SPINDOC: variants seen among roughly 807,000 people sequenced by gnomAD.
SPINDOC encodes spindlin interactor and repressor of chromatin-binding protein.
SPINDOC carries 13 observed loss-of-function variants against 30.7 expected under a neutral mutation model. The ratio of observed to expected loss-of-function variants is 0.42; its 90% confidence interval spans 0.28 to 0.67. The LOEUF (loss-of-function observed/expected upper bound fraction) is 0.67. Among genes scored for constraint, SPINDOC ranks in the 30% least tolerant of loss-of-function variants. The pLI is 0.22. For synonymous variants in SPINDOC, 228 were observed against 211.4 expected, an observed-to-expected ratio of 1.08 and a Z score of -0.68; for missense variants, 438 against 518.0, an observed-to-expected ratio of 0.85 and a Z score of 1.50.
chr11:63,827,252 G>A lies in SPINDOC; in HGVS notation c.*113G>A. ...TGGAGAGAGTAGAAACAGGTGCCAG[G>A]GCAGGAGGGGGCTGGGGCAGCATCC... On this transcript the variant is annotated 3_prime_UTR_variant, in exon 6 of 6. Coordinates refer to ENST00000294244, the MANE Select transcript of SPINDOC (RefSeq NM_138471.3). 7.4e-6 allele frequency: 11 copies of A among 1,484,282 alleles called. No homozygotes were observed. The highest frequency in any genetic ancestry group is 9.9e-6 in the Non-Finnish European group (11 of 1,108,792). The allele number at this position is 1,484,282 out of a possible 1,614,324, so 91.9% of individuals were successfully genotyped here. A position where few individuals can be genotyped will look rare whatever the true frequency, so the allele number is the denominator to read the frequency against.
Position 63,818,756 on chromosome 11 carries a change from T to A in SPINDOC, c.734-46T>A. The A allele has an allele frequency of 6.2e-7, 1 of 1,612,340 alleles. No individual in the cohort carries two copies. The highest frequency in any genetic ancestry group is 8.5e-7 in the Non-Finnish European group (1 of 1,179,494). ...GGCCTGGGCGCAGGGCGCCTGCAGC[T>A]CCTGAGGCTTTTTCACTCACAGTTC... On this transcript the variant is annotated intron_variant, in intron 4 of 5. Coordinates refer to ENST00000294244, the MANE Select transcript of SPINDOC (RefSeq NM_138471.3). The surrounding 1 kb of genome is among the most constrained non-coding windows in gnomAD (Gnocchi z 5.3).
At chr11:63,819,438 T>C (rs2015448817) in intron 5 of SPINDOC, among the ~76,000 whole-genome samples, 2 of 151,532 alleles carry the variant, frequency 1.3e-5, no homozygotes, top group African/African-American at 4.9e-5. Context: ...CTCAAACTCT[T>C]GACCTCAGGT....
At chr11:63,820,626 T>C (rs2015489019) in intron 5 of SPINDOC, among the ~76,000 whole-genome samples, 1 of 150,874 alleles carries the variant, frequency 6.6e-6, no homozygotes, top group Non-Finnish European at 1.5e-5. Flanking sequence ...GCGCGGTGGC[T>C]CACGCCTGTA....
Position 63,820,608 on chromosome 11 carries a change from C to T in SPINDOC, c.934+1606C>T, listed in dbSNP as rs1046912289. On this transcript the variant is annotated intron_variant, in intron 5 of 5. Coordinates refer to ENST00000294244, the MANE Select transcript of SPINDOC (RefSeq NM_138471.3). Reference sequence around the variant, plus strand: ...TCTAATGGCTTAAAACAACACACATCGGGCCGGGCGCGGTGGCTCACGCCT... The same window carrying T: ...TCTAATGGCTTAAAACAACACACATTGGGCCGGGCGCGGTGGCTCACGCCT... 3.3e-5 allele frequency among the ~76,000 whole-genome samples: 5 copies of T among 151,860 alleles called. No homozygotes were observed. The South Asian group carries it at 6.3e-4, about 19-fold the overall frequency.
Position 63,818,669 on chromosome 11 carries a change from G to T in SPINDOC, c.733+17G>T. The T allele has an allele frequency of 1.2e-6, 2 of 1,613,214 alleles. No homozygotes were observed. Among genetic ancestry groups the T allele is most frequent in the South Asian group, 2.2e-5 (2 of 91,066 alleles). On this transcript the variant is annotated intron_variant, in intron 4 of 5. Transcript: ENST00000294244. This position sits in a 1 kb window ranked among gnomAD's most constrained non-coding sequence, Gnocchi z 5.3. ...CTGACCCAGGTGAAGGGGAGGCCCG[G>T]GGGAGGCGTGGGCTCTGGCCGCAGT... is the stretch of plus-strand genomic sequence containing the variant.
chr11:63,820,070 CT>C (rs1228425979), intron 5 of SPINDOC, among the ~76,000 whole-genome samples: 1 of 151,618 alleles, frequency 6.6e-6, no homozygotes, highest in Non-Finnish European at 1.5e-5. Flanking sequence ...GCAGTAAGTG[CT>C]TGTGTTGTTT....
chr11:63,814,779 C>G (rs1462962108), intron 1 of SPINDOC, among the ~76,000 whole-genome samples: 1 of 152,212 alleles, frequency 6.6e-6, no homozygotes, highest in Non-Finnish European at 1.5e-5. Flanking sequence ...CACCTCCCTT[C>G]TCGGAGCATT....
chr11:63,814,098 G>A (rs1356164365), intron 1 of SPINDOC, among the ~76,000 whole-genome samples: 1 of 152,080 alleles, frequency 6.6e-6, no homozygotes, highest in Non-Finnish European at 1.5e-5. Flanking sequence ...GTGCCCAAGC[G>A]CCCCCTCTCC....
intron 5 of SPINDOC, among the ~76,000 whole-genome samples, chr11:63,821,335 T>G (rs574660798): frequency 6.6e-6 from 1 of 152,352 alleles, no homozygotes; most frequent in African/African-American, 2.4e-5. Flanking sequence ...AGGACCCTCA[T>G]GATTATATTG....
At position 63,813,564 on chromosome 11, in the gene SPINDOC, G is replaced by A; in HGVS notation, c.-123G>A. On this transcript the variant is annotated 5_prime_UTR_variant, in exon 1 of 6. Coordinates refer to ENST00000294244, the MANE Select transcript of SPINDOC (RefSeq NM_138471.3). ...AGCGGCGGGCGGGCGGCGGGGAGGG[G>A]GCTGCGCGGGGCGGGCGGCGGGCCC... 10 of 842,084 alleles carry A rather than the reference G, an allele frequency of 1.2e-5. No individual in the cohort carries two copies. The highest frequency in any genetic ancestry group is 4.8e-5 in the South Asian group (1 of 21,002). 52.2% of individuals were successfully genotyped at this position (842,084 alleles called of 1,614,324 possible).
In SPINDOC at chr11:63,827,220, C is replaced by CGGT; in HGVS notation, c.*81_*82insGGT. On this transcript the variant is annotated 3_prime_UTR_variant, in exon 6 of 6. Transcript: ENST00000294244. ...ATAACTCAGAGCTGCCTGGCTCACC[C>CGGT]ACCTGGTGGAGAGAGTAGAAACAGG... The CGGT allele has an allele frequency of 6.4e-7, 1 of 1,552,824 alleles. No homozygotes were observed. Among genetic ancestry groups the CGGT allele is most frequent in the Non-Finnish European group, 8.7e-7 (1 of 1,149,832 alleles).
chr11:63,824,211 G>A (rs1359628050), intron 5 of SPINDOC, among the ~76,000 whole-genome samples: 1 of 152,140 alleles, frequency 6.6e-6, no homozygotes, highest in South Asian at 2.1e-4. Context: ...CACCTGGCCG[G>A]TCCTTCTCTT....
intron 1 of SPINDOC, among the ~76,000 whole-genome samples, chr11:63,815,382 G>A (rs968551432): frequency 6.6e-6 from 1 of 152,232 alleles, no homozygotes; most frequent in Non-Finnish European, 1.5e-5. Flanking sequence ...GCAACTGGAG[G>A]AAGAGCCTTC....
Position 63,827,320 on chromosome 11 carries a change from G to T in SPINDOC, c.*181G>T. 1 of 1,193,020 alleles carries T rather than the reference G, an allele frequency of 8.4e-7. No homozygotes were observed. The highest frequency in any genetic ancestry group is 1.2e-6 in the Non-Finnish European group (1 of 867,006). 73.9% of individuals were successfully genotyped at this position (1,193,020 alleles called of 1,614,324 possible). ...CTGGAAAGTGTCTGTTCCTGGCCAGGCCTGAGGTCGGCGAGGGTGGCTGAG... is the reference window on the plus strand; with the variant it reads ...CTGGAAAGTGTCTGTTCCTGGCCAGTCCTGAGGTCGGCGAGGGTGGCTGAG... On this transcript the variant is annotated 3_prime_UTR_variant, in exon 6 of 6. Coordinates refer to ENST00000294244, the MANE Select transcript of SPINDOC (RefSeq NM_138471.3).
At position 63,827,154 on chromosome 11, in the gene SPINDOC, G is replaced by A. The variant is rs767380592; in HGVS notation, c.*15G>A. Reference sequence around the variant, plus strand: ...ATGGAGTGTAAATTCTTGCTTTCCTGGGGAGGGAGGGAGGGATGAGGCAGC... The same window carrying A: ...ATGGAGTGTAAATTCTTGCTTTCCTAGGGAGGGAGGGAGGGATGAGGCAGC... On this transcript the variant is annotated 3_prime_UTR_variant, in exon 6 of 6. Transcript: ENST00000294244. 1.7e-5 allele frequency: 27 copies of A among 1,587,024 alleles called. No homozygotes were observed. The South Asian group carries it at 3.0e-4, about 18-fold the overall frequency.
chr11:63,822,522 G>A lies in SPINDOC; in HGVS notation c.934+3520G>A, dbSNP rs1197361654. The stretch of plus-strand genomic sequence containing the variant: ...CAGAGAGAGCTCTCTGTGTGTTTGC[G>A]TGTGTGTGTAGTTGCTTTTGTTTAT... On this transcript the variant is annotated intron_variant, in intron 5 of 5. Transcript: ENST00000294244. The A allele has an allele frequency of 1.5e-5, 14 of 936,924 alleles. No homozygotes were observed. In the East Asian group the frequency reaches 2.4e-4, roughly 16 times the overall value. The allele number at this position is 936,924 out of a possible 1,614,324, so 58.0% of individuals were successfully genotyped here.
chr11:63,816,888 A>G (rs879416685), intron 1 of SPINDOC, among the ~76,000 whole-genome samples: 11 of 152,158 alleles, frequency 7.2e-5, no homozygotes, highest in Admixed American at 2.0e-4. Context: ...GGCCTTTAGA[A>G]CGGGCATGGT....
chr11:63,816,267 G>A (rs965097031), intron 1 of SPINDOC, among the ~76,000 whole-genome samples: 8 of 152,160 alleles, frequency 5.3e-5, no homozygotes, highest in East Asian at 1.9e-4. Context: ...ACACATAACT[G>A]AGAAAGAGGG....
chr11:63,813,728 G>C lies in SPINDOC; in HGVS notation c.42G>C (p.Glu14Asp). ...KAEGAALDCF[E>D]VTLKCEEGED... ...AGGGCGCCGCACTCGACTGCTTCGA[G>C]GTGACGCTGAAATGCGAGGAAGGGG... Residue 14 changes from glutamate (E) to aspartate (D), a missense_variant, in exon 1 of 6, where the codon GAG becomes GAC. Coordinates refer to ENST00000294244, the MANE Select transcript of SPINDOC (RefSeq NM_138471.3). 6.3e-7 allele frequency: 1 copy of C among 1,596,386 alleles called. No homozygotes were observed. Among genetic ancestry groups the C allele is most frequent in the Non-Finnish European group, 8.5e-7 (1 of 1,173,210 alleles).
Sources: gnomAD v4.1 joint callset for allele counts (sites outside exome capture counted in the v4.1 genomes callset) on GRCh38, gnomAD v4.1.1 for gene constraint, Gnocchi (gnomAD v3.1) non-coding constraint, MANE v1.5 for transcripts, NCBI Gene and HGNC (gene_info 2026-07-23, HGNC 2026-07-21) for gene names.